Variants in ATP8B1 observed in about 807,000 individuals in gnomAD.
ATP8B1 encodes ATPase phospholipid transporting 8B1, also known as phospholipid-transporting ATPase IC.
ATP8B1 carries 80 observed loss-of-function variants against 149.9 expected under a neutral mutation model. The observed-to-expected ratio is 0.53, with a 90% confidence interval of 0.45 to 0.64. The LOEUF (loss-of-function observed/expected upper bound fraction) is 0.64, where lower values mean the gene tolerates loss of function less well. Ranked by LOEUF, ATP8B1 falls within the 30% of genes least tolerant of loss-of-function variation. The pLI, the probability that ATP8B1 is intolerant of heterozygous loss-of-function variation, is 0.00. For missense variants in ATP8B1, 1,247 were observed against 1,552.6 expected, an observed-to-expected ratio of 0.80 and a Z score of 3.31; for synonymous variants, 536 against 562.8, an observed-to-expected ratio of 0.95 and a Z score of 0.67.
chr18:57,672,904 ATATATATATATATATATATATATAT>A (rs1568189203), intron 16 of ATP8B1, among the ~76,000 whole-genome samples: 1 of 68,510 alleles, frequency 1.5e-5, no homozygotes, highest in African/African-American at 5.8e-5. Context: ...ATATATATAT[ATATATATATATATATATATATATAT>A]ATAACATGTA....
intron 1 of ATP8B1, among the ~76,000 whole-genome samples, chr18:57,794,994 C>T (rs189898986): frequency 1.3e-5 from 2 of 152,114 alleles, no homozygotes; most frequent in Non-Finnish European, 1.5e-5. Context: ...GTGGCCCTGC[C>T]CATCTTATTT....
intron 22 of ATP8B1, among the ~76,000 whole-genome samples, chr18:57,659,528 C>A (rs1110965): frequency 0.2 from 30,735 of 151,908 alleles, 3,769 homozygotes; most frequent in Middle Eastern, 0.28. Context: ...TTGACTTGTC[C>A]TTTTGGCACG....
intron 14 of ATP8B1, 129 bp downstream of exon 14, chr18:57,684,943 G>T (rs1912157937): frequency 8.4e-7 from 1 of 1,194,804 alleles, no homozygotes; most frequent in Non-Finnish European, 1.2e-6. Context: ...ACCAAGGACT[G>T]TGGGCAACCA....
At chr18:57,697,735 A>G in intron 7 of ATP8B1, 47 bp from the exon 8 acceptor site, 1 of 1,612,912 alleles carries the variant, frequency 6.2e-7, no homozygotes, top group Non-Finnish European at 8.5e-7. Context: ...CTGAGGGAAA[A>G]GCCGAGCACA....
At position 57,654,891 on chromosome 18, in the gene ATP8B1, C is replaced by T. The variant is rs112028430; in HGVS notation, c.2931+303G>A. Among the ~76,000 whole-genome samples the T allele has an allele frequency of 0.084, 12,629 of 150,494 alleles. 836 individuals carry two copies. Among genetic ancestry groups the T allele is most frequent in the East Asian group, 0.33 (1,666 of 5,042 alleles). Reference sequence around the variant, plus strand: ...TAGTAGAGACCAGGTTTCACCATGTCGGCCAGACTGATCTCAAACTCCCGA... The same window carrying T: ...TAGTAGAGACCAGGTTTCACCATGTTGGCCAGACTGATCTCAAACTCCCGA... On this transcript the variant is annotated intron_variant, in intron 23 of 27. Coordinates refer to ENST00000648908, the MANE Select transcript of ATP8B1 (RefSeq NM_001374385.1).
intron 1 of ATP8B1, chr18:57,740,349 A>T (rs142439206): frequency 3.0e-4 from 45 of 152,096 alleles, no homozygotes; most frequent in African/African-American, 1.1e-3. Flanking sequence ...TATTATTATT[A>T]AAGACAATGC....
At chr18:57,732,528 T>C (rs1405186954) in intron 1 of ATP8B1, among the ~76,000 whole-genome samples, 1 of 151,734 alleles carries the variant, frequency 6.6e-6, no homozygotes, top group Admixed American at 6.6e-5. Flanking sequence ...CATTCACACA[T>C]TTATTTGCAT....
intron 2 of ATP8B1, among the ~76,000 whole-genome samples, chr18:57,723,112 G>GCTAT (rs1451669747): frequency 4.0e-5 from 6 of 151,146 alleles, no homozygotes; most frequent in Admixed American, 3.3e-4. Flanking sequence ...AATAATAAGA[G>GCTAT]CTATCTATGA....
intron 1 of ATP8B1, among the ~76,000 whole-genome samples, chr18:57,738,302 C>T (rs981341832): frequency 4.6e-5 from 7 of 152,140 alleles, no homozygotes; most frequent in Middle Eastern, 3.2e-3. Context: ...GCCAGAGTTT[C>T]GAAGAATACA....
intron 1 of ATP8B1, among the ~76,000 whole-genome samples, chr18:57,789,479 T>G (rs2080440539): frequency 6.6e-6 from 1 of 152,176 alleles, no homozygotes; most frequent in Admixed American, 6.5e-5. Context: ...GGAAATACAG[T>G]ACATTGAGCA....
chr18:57,654,058 C>G lies in ATP8B1; in HGVS notation c.2949G>C (p.Trp983Cys), dbSNP rs1599070022. The G allele has an allele frequency of 1.9e-6, 3 of 1,613,938 alleles. No homozygotes were observed. The Middle Eastern group carries it at 5.0e-4, about 266-fold the overall frequency. Residue 983 changes from tryptophan to cysteine, a missense_variant, in exon 24 of 28, where the codon TGG (tryptophan) becomes TGC (cysteine). Transcript: ENST00000648908. ...ACAGCACGTTGTAGAGGGTGATGAA[C>G]CAATCCTCGTATGCAGTCTGTGAGG... ...GYSAQTAYED[W>C]FITLYNVLYT... is the part of the protein sequence containing the mutation.
chr18:57,753,948 AGAAAGAAAGAAAAG>A (rs1568054998), intron 1 of ATP8B1, among the ~76,000 whole-genome samples: 2 of 80,488 alleles, frequency 2.5e-5, no homozygotes, highest in Non-Finnish European at 4.5e-5. Context: ...AAAAAAAAAA[AGAAAGAAAGAAAAG>A]AAAAAAAAAA....
chr18:57,661,700 T>TAC (rs1910441300), intron 21 of ATP8B1, among the ~76,000 whole-genome samples: 2 of 64,040 alleles, frequency 3.1e-5, no homozygotes, highest in Non-Finnish European at 2.7e-5. Flanking sequence ...CACACACATA[T>TAC]ATATATATAT....
intron 2 of ATP8B1, among the ~76,000 whole-genome samples, chr18:57,716,853 C>G (rs1317251479): frequency 6.6e-6 from 1 of 152,146 alleles, no homozygotes; most frequent in Non-Finnish European, 1.5e-5. Flanking sequence ...ATATTTCATA[C>G]AACAGCTGTA....
chr18:57,799,449 GC>G (rs890644664), intron 1 of ATP8B1, among the ~76,000 whole-genome samples: 3 of 152,102 alleles, frequency 2.0e-5, no homozygotes. Context: ...GGTGGCTCAC[GC>G]CTATAATCCC....
At chr18:57,706,428 C>T (rs1026781157) in intron 3 of ATP8B1, 62 bp downstream of exon 3, 2 of 1,365,694 alleles carry the variant, frequency 1.5e-6, no homozygotes, top group African/African-American at 1.4e-5. Context: ...AGGTAGTAAG[C>T]ATGCCAGCTA....
chr18:57,668,077 T>G (rs1038251297), intron 19 of ATP8B1: 2 of 1,307,736 alleles, frequency 1.5e-6, no homozygotes, highest in East Asian at 5.2e-5. Context: ...TTTGTATTGT[T>G]CTACTCTGTG....
chr18:57,678,025 G>A (rs944846675), intron 15 of ATP8B1, among the ~76,000 whole-genome samples: 2 of 152,116 alleles, frequency 1.3e-5, no homozygotes, highest in Admixed American at 6.6e-5. Flanking sequence ...TGGGAAGAAC[G>A]TCAGTGACTT....
At chr18:57,765,964 T>C (rs2080207870) in intron 1 of ATP8B1, among the ~76,000 whole-genome samples, 1 of 137,138 alleles carries the variant, frequency 7.3e-6, no homozygotes, top group Admixed American at 7.5e-5. Context: ...AAAGCAAGAC[T>C]CTGTCTCAAA....
Sources: gnomAD v4.1 joint callset for allele counts (sites outside exome capture counted in the v4.1 genomes callset) on GRCh38, gnomAD v4.1.1 for gene constraint, MANE v1.5 for transcripts, NCBI Gene and HGNC (gene_info 2026-07-23, HGNC 2026-07-21) for gene names.